Variants in APBB2 observed in about 807,000 individuals in gnomAD.
APBB2 encodes Fe65-like 1.
In APBB2, 38 loss-of-function variants were observed where a neutral mutation model predicts 82.5. The observed-to-expected ratio is 0.46, with a 90% CI of 0.36 to 0.60. The LOEUF (loss-of-function observed/expected upper bound fraction) is 0.60, where lower values mean the gene tolerates loss of function less well. Ranked by LOEUF, APBB2 falls within the 20% of genes least tolerant of loss-of-function variation. The pLI is 0.00. For missense variants in APBB2, 772 were observed against 972.3 expected (o/e 0.79, Z 2.74); for synonymous variants, 341 against 368.2 (o/e 0.93, Z 0.85).
At chr4:41,043,177 A>T (rs1019050405) in intron 4 of APBB2, among the ~76,000 whole-genome samples, 1 of 152,204 alleles carries the variant, frequency 6.6e-6, no homozygotes, top group Non-Finnish European at 1.5e-5. Context: ...TGACAAAGCA[A>T]ATTTTAGGTA....
chr4:41,074,826 T>C (rs1735107963), intron 3 of APBB2, among the ~76,000 whole-genome samples: 3 of 152,098 alleles, frequency 2.0e-5, no homozygotes, highest in Non-Finnish European at 4.4e-5. Context: ...ATTGTTTTTT[T>C]TAAAAGGATT....
In APBB2 at chr4:40,945,032, A is replaced by G. The variant is rs766122282; in HGVS notation, c.877T>C (p.Leu293=). 6.3e-7 allele frequency: 1 copy of G among 1,581,178 alleles called. No individual in the cohort carries two copies. Among genetic ancestry groups the G allele is most frequent in the Admixed American group, 1.7e-5 (1 of 58,828 alleles). Residue 293 remains leucine (L), a synonymous_variant, in exon 7 of 18, where the codon TTG becomes CTG. Coordinates refer to ENST00000508593, the MANE Select transcript of APBB2 (RefSeq NM_004307.2). ...SDHSFQTDPD[L]PPGWKRVSDI... The stretch of plus-strand genomic sequence containing the variant: ...CTGACTCTTTTCCAGCCAGGCGGCA[A>G]ATCTGGATCAGTCTGAAATGAGTGA...
At chr4:40,925,613 G>A (rs969759231) in intron 10 of APBB2, among the ~76,000 whole-genome samples, 1 of 152,120 alleles carries the variant, frequency 6.6e-6, no homozygotes, top group Non-Finnish European at 1.5e-5. Flanking sequence ...CACAGATCAG[G>A]ATTTCTGAAA....
In APBB2 at chr4:41,159,717, G is replaced by A. The variant is rs79030850; in HGVS notation, c.-416-16575C>T. ...GCCTCTAAGCTGCAGAAAAAGCAAAGGGATGTGAATAGTCTATAAACTGCA... is the reference window on the plus strand; with the variant it reads ...GCCTCTAAGCTGCAGAAAAAGCAAAAGGATGTGAATAGTCTATAAACTGCA... On this transcript the variant is annotated intron_variant, in intron 1 of 17. Transcript: ENST00000508593. Among the ~76,000 whole-genome samples the A allele has an allele frequency of 9.6e-3, 1,458 of 151,856 alleles. 25 individuals are homozygous for A. Among genetic ancestry groups the A allele is most frequent in the African/African-American group, 0.032 (1,340 of 41,374 alleles).
intron 2 of APBB2, among the ~76,000 whole-genome samples, chr4:41,104,469 C>CTATTCA (rs1746480878): frequency 6.6e-6 from 1 of 152,120 alleles, no homozygotes; most frequent in Non-Finnish European, 1.5e-5. Flanking sequence ...TATTTTTAAT[C>CTATTCA]TATTCATTTT....
At chr4:41,023,517 T>C (rs563715089) in intron 5 of APBB2, among the ~76,000 whole-genome samples, 1 of 152,222 alleles carries the variant, frequency 6.6e-6, no homozygotes, top group South Asian at 2.1e-4. Context: ...CAAAAATCAC[T>C]AGCATTCCTA....
chr4:41,031,374 C>A (rs909435820), intron 5 of APBB2, among the ~76,000 whole-genome samples: 31 of 152,148 alleles, frequency 2.0e-4, no homozygotes, highest in Non-Finnish European at 1.5e-5. Context: ...TCTCATCAGT[C>A]GCCATTTGAA....
At chr4:40,957,354 A>T (rs1221158761) in intron 6 of APBB2, among the ~76,000 whole-genome samples, 3 of 152,210 alleles carry the variant, frequency 2.0e-5, no homozygotes, top group Non-Finnish European at 2.9e-5. Context: ...ACTTAGATCA[A>T]GAAAACTAGA....
intron 2 of APBB2, among the ~76,000 whole-genome samples, chr4:41,141,370 G>A (rs187489572): frequency 3.0e-4 from 46 of 152,156 alleles, no homozygotes; most frequent in African/African-American, 9.9e-4. Flanking sequence ...GTGCACACGC[G>A]CATGTGTGCG....
intron 3 of APBB2, among the ~76,000 whole-genome samples, chr4:41,090,690 G>A (rs904877413): frequency 6.6e-6 from 1 of 152,146 alleles, no homozygotes; most frequent in Non-Finnish European, 1.5e-5. Flanking sequence ...TTTTGATATT[G>A]AAAGGGGTCA....
chr4:40,857,809 T>C (rs1045390490), intron 12 of APBB2, among the ~76,000 whole-genome samples: 1 of 22,940 alleles, frequency 4.4e-5, no homozygotes, highest in Non-Finnish European at 8.3e-5. Flanking sequence ...GTGGGGGAAA[T>C]GGGGGGCGGG....
At chr4:41,168,983 G>A (rs781137442) in intron 1 of APBB2, among the ~76,000 whole-genome samples, 2 of 151,784 alleles carry the variant, frequency 1.3e-5, no homozygotes, top group Non-Finnish European at 2.9e-5. Context: ...TCAAGAGATC[G>A]AGACCATCCT....
At chr4:41,059,204 T>A (rs1250134594) in intron 4 of APBB2, among the ~76,000 whole-genome samples, 1 of 152,154 alleles carries the variant, frequency 6.6e-6, no homozygotes, top group African/African-American at 2.4e-5. Context: ...CTCACGCCTA[T>A]AATCCCAGCA....
intron 4 of APBB2, among the ~76,000 whole-genome samples, chr4:41,035,773 C>CA (rs1718921918): frequency 6.6e-6 from 1 of 152,066 alleles, no homozygotes; most frequent in African/African-American, 2.4e-5. Context: ...TATGTACAGA[C>CA]TTTTTTTTCC....
At chr4:40,986,247 A>G (rs1280797317) in intron 6 of APBB2, among the ~76,000 whole-genome samples, 1 of 152,238 alleles carries the variant, frequency 6.6e-6, no homozygotes, top group Non-Finnish European at 1.5e-5. Flanking sequence ...CCAATGAAAT[A>G]CTGTACGTAA....
intron 3 of APBB2, among the ~76,000 whole-genome samples, chr4:41,086,719 G>C (rs984460357): frequency 2.6e-5 from 4 of 152,080 alleles, no homozygotes; most frequent in African/African-American, 9.7e-5. Flanking sequence ...ATACTCAATG[G>C]TAAATGACTG....
At chr4:41,199,461 G>A (rs892739729) in intron 1 of APBB2, among the ~76,000 whole-genome samples, 1 of 152,206 alleles carries the variant, frequency 6.6e-6, no homozygotes, top group Non-Finnish European at 1.5e-5. Flanking sequence ...CTTATAATCT[G>A]CCTACCTGCC....
chr4:40,896,066 GTTC>G lies in APBB2; in HGVS notation c.1255-2658_1255-2656del, dbSNP rs1157549209. 2.8e-3 allele frequency among the ~76,000 whole-genome samples: 409 copies of G among 146,054 alleles called. 3 individuals carry two copies. The highest frequency in any genetic ancestry group is 9.7e-3 in the African/African-American group (391 of 40,270). The stretch of plus-strand genomic sequence containing the variant: ...ATAAACAGCCGGTGACCTCAATACA[GTTC>G]TTTTTTTTTTTTTGAGACAGGGTCT... On this transcript the variant is annotated intron_variant, in intron 10 of 17. Transcript: ENST00000508593.
At chr4:40,829,190 C>T (rs1164556280) in intron 13 of APBB2, among the ~76,000 whole-genome samples, 3 of 152,188 alleles carry the variant, frequency 2.0e-5, no homozygotes, top group South Asian at 2.1e-4. Context: ...CCAAGAACAT[C>T]GAGCACCACA....
Sources: allele counts gnomAD v4.1 joint callset (sites outside exome capture counted in the v4.1 genomes callset), GRCh38; gene constraint gnomAD v4.1.1; transcripts MANE v1.5; gene names NCBI Gene and HGNC (gene_info 2026-07-23, HGNC 2026-07-21).